The following ARHGAP6 variants were observed in gnomAD, a reference collection of about 807,000 sequenced individuals.
ARHGAP6 encodes the protein rho GTPase-activating protein 6.
Under a neutral mutation model 55.7 loss-of-function variants are expected in ARHGAP6, and 16 were observed. The ratio of observed to expected loss-of-function variants is 0.29; its 90% CI spans 0.19 to 0.44. The LOEUF (loss-of-function observed/expected upper bound fraction) is 0.44. Ranked by LOEUF, ARHGAP6 falls within the 20% of genes least tolerant of loss-of-function variation. The pLI, the probability that ARHGAP6 is intolerant of heterozygous loss-of-function variation, is 1.00. For synonymous variants in ARHGAP6, 382 were observed against 360.9 expected (o/e 1.06, Z -0.66); for missense variants, 698 against 808.9 (o/e 0.86, Z 1.66).
rs761145761 is a variant in ARHGAP6 at position 11,169,634 on chromosome X, G to A, written c.1680C>T (p.Pro560=). The change falls in exon 9 of 13, where the codon CCC becomes CCT. Residue 560 remains proline, a synonymous_variant. Coordinates refer to ENST00000337414, the MANE Select transcript of ARHGAP6 (RefSeq NM_013427.3). ...TSLNLATIFG[P]NLLHKQKSSD... ...ATGACTTCTGCTTGTGCAGCAGGTT[G>A]GGTCCAAATATGGTGGCTAAGTTTA... The A allele has an allele frequency of 6.6e-6, 8 of 1,204,929 alleles. No individual in the cohort carries two copies. In the South Asian group the frequency reaches 1.4e-4, roughly 22 times the overall value.
intron 1 of ARHGAP6, among the ~76,000 whole-genome samples, chrX:11,267,746 G>T (rs1184085861): frequency 8.9e-6 from 1 of 112,502 alleles, no homozygotes; most frequent in African/African-American, 3.2e-5. Flanking sequence ...TCTGTTTTAA[G>T]AGTGGAAGCA....
chrX:11,407,663 G>A (rs2049626845), intron 1 of ARHGAP6, among the ~76,000 whole-genome samples: 2 of 111,589 alleles, frequency 1.8e-5, no homozygotes, highest in Admixed American at 1.9e-4. Flanking sequence ...CTTATTCTTT[G>A]TATTTTTTTC....
chrX:11,275,422 A>C (rs1400954811), intron 1 of ARHGAP6, among the ~76,000 whole-genome samples: 1 of 111,467 alleles, frequency 9.0e-6, no homozygotes, highest in Non-Finnish European at 1.9e-5. Context: ...ACCCAGGAAA[A>C]CTGAAGCAAA....
intron 1 of ARHGAP6, among the ~76,000 whole-genome samples, chrX:11,436,029 T>C (rs890740189): frequency 8.9e-6 from 1 of 112,467 alleles, no homozygotes; most frequent in African/African-American, 3.2e-5. Context: ...CAAAATTTTT[T>C]CTCACATTAA....
intron 1 of ARHGAP6, chrX:11,334,389 A>T (rs2048602415): frequency 8.8e-6 from 1 of 113,193 alleles, no homozygotes; most frequent in African/African-American, 3.2e-5. Context: ...AAAGCATGCC[A>T]ATTTAGTCAG....
intron 1 of ARHGAP6, among the ~76,000 whole-genome samples, chrX:11,407,172 G>C (rs1218836459): frequency 9.0e-6 from 1 of 110,878 alleles, no homozygotes; most frequent in Non-Finnish European, 1.9e-5. Flanking sequence ...CAGCCCTAGG[G>C]AACCACCAAT....
chrX:11,576,707 T>C (rs1357330473), intron 1 of ARHGAP6, among the ~76,000 whole-genome samples: 4 of 111,442 alleles, frequency 3.6e-5, no homozygotes, highest in Non-Finnish European at 7.5e-5. Context: ...TTAGGAGGGG[T>C]ATTAATTTTG....
chrX:11,513,188 C>A (rs1382820123), intron 1 of ARHGAP6, among the ~76,000 whole-genome samples: 1 of 111,193 alleles, frequency 9.0e-6, no homozygotes, highest in Non-Finnish European at 1.9e-5. Flanking sequence ...TGGTTTAGGG[C>A]CCAGCTCTTA....
chrX:11,490,273 T>C (rs1364717079), intron 1 of ARHGAP6, among the ~76,000 whole-genome samples: 1 of 111,573 alleles, frequency 9.0e-6, no homozygotes, highest in East Asian at 2.8e-4. Context: ...TGAGTTGCCA[T>C]GTTGAGAGGT....
At chrX:11,532,976 C>T (rs1426401619) in intron 1 of ARHGAP6, among the ~76,000 whole-genome samples, 1 of 111,976 alleles carries the variant, frequency 8.9e-6, no homozygotes, top group East Asian at 2.8e-4. Context: ...AAGAGAGAAA[C>T]AAACTTGCAG....
intron 1 of ARHGAP6, among the ~76,000 whole-genome samples, chrX:11,495,688 T>C (rs1275896811): frequency 8.9e-6 from 1 of 111,957 alleles, no homozygotes; most frequent in East Asian, 2.8e-4. Flanking sequence ...CTGGTATTTA[T>C]GCCCCTACCC....
chrX:11,316,629 C>G lies in ARHGAP6; in HGVS notation c.589-61922G>C, dbSNP rs563169146. On this transcript the variant is annotated intron_variant, in intron 1 of 12. Coordinates refer to ENST00000337414, the MANE Select transcript of ARHGAP6 (RefSeq NM_013427.3). ...ATACATTGCTGTTAATTATAGTAAC[C>G]ATGTTGTACAATAGATCTCTTGAAT... 7.1e-5 allele frequency among the ~76,000 whole-genome samples: 8 copies of G among 112,085 alleles called. No individual in the cohort carries two copies. In the South Asian group the frequency reaches 3.0e-3, roughly 42 times the overall value.
chrX:11,173,600 C>T (rs1296143427), intron 8 of ARHGAP6, among the ~76,000 whole-genome samples: 2 of 112,017 alleles, frequency 1.8e-5, no homozygotes, highest in African/African-American at 3.3e-5. Context: ...GCAAACTAAA[C>T]AAAATAGAAG....
chrX:11,291,391 T>C (rs2047988608), intron 1 of ARHGAP6, among the ~76,000 whole-genome samples: 1 of 111,623 alleles, frequency 9.0e-6, no homozygotes, highest in South Asian at 3.8e-4. Flanking sequence ...CAGCATCCTG[T>C]TGATCATTAT....
chrX:11,637,781 T>C, intron 1 of ARHGAP6, among the ~76,000 whole-genome samples: 1 of 110,756 alleles, frequency 9.0e-6, no homozygotes, highest in Non-Finnish European at 1.9e-5. Context: ...TTTTGGCATT[T>C]TAAGTCTTCT....
intron 1 of ARHGAP6, among the ~76,000 whole-genome samples, chrX:11,642,977 T>G (rs913369222): frequency 2.2e-4 from 25 of 111,765 alleles, no homozygotes; most frequent in African/African-American, 7.5e-4. Context: ...CTGTAGCATT[T>G]CCCTGCTTTT....
At chrX:11,245,327 T>G (rs1483282721) in intron 2 of ARHGAP6, among the ~76,000 whole-genome samples, 1 of 111,698 alleles carries the variant, frequency 9.0e-6, no homozygotes, top group Non-Finnish European at 1.9e-5. Flanking sequence ...GCATAACCCT[T>G]GGTATTATGA....
chrX:11,187,473 C>T (rs955085113), intron 4 of ARHGAP6, among the ~76,000 whole-genome samples: 6 of 111,913 alleles, frequency 5.4e-5, no homozygotes, highest in East Asian at 2.8e-4. Context: ...TATTGTTGTA[C>T]GACAATACAC....
intron 1 of ARHGAP6, among the ~76,000 whole-genome samples, chrX:11,599,592 C>T (rs746607105): frequency 3.6e-5 from 4 of 111,510 alleles, no homozygotes; most frequent in Admixed American, 9.5e-5. Flanking sequence ...TCACAGAAGC[C>T]GAGAGAAGAA....
Sources: gnomAD v4.1 joint callset for allele counts (sites outside exome capture counted in the v4.1 genomes callset) on GRCh38, gnomAD v4.1.1 for gene constraint, MANE v1.5 for transcripts, NCBI Gene and HGNC (gene_info 2026-07-23, HGNC 2026-07-21) for gene names.